Variants in FBXW7 observed in about 807,000 individuals in gnomAD.
FBXW7 encodes the protein F-box/WD repeat-containing protein 7.
In FBXW7, 11 loss-of-function variants were observed where a neutral mutation model predicts 86.3. That is an observed-to-expected ratio of 0.13 (90% CI 0.08 to 0.21). The LOEUF is 0.21. FBXW7 is among the 10% of genes least tolerant of loss of function. FBXW7 has a pLI of 1.00. For missense variants in FBXW7, 488 were observed against 847.4 expected, an observed-to-expected ratio of 0.58 and a Z score of 5.27; for synonymous variants, 313 against 297.9, an observed-to-expected ratio of 1.05 and a Z score of -0.52.
At chr4:152,366,314 G>T (rs1733474752) in intron 4 of FBXW7, among the ~76,000 whole-genome samples, 1 of 152,076 alleles carries the variant, frequency 6.6e-6, no homozygotes, top group Non-Finnish European at 1.5e-5. Flanking sequence ...CACAGTTTAG[G>T]ACTTCTGTAC....
intron 2 of FBXW7, among the ~76,000 whole-genome samples, chr4:152,441,449 T>C (rs1740885974): frequency 6.6e-6 from 1 of 152,174 alleles, no homozygotes; most frequent in African/African-American, 2.4e-5. Context: ...ACTGATTCTT[T>C]AATGTCAATA....
chr4:152,505,002 C>T (rs560199037), intron 2 of FBXW7, among the ~76,000 whole-genome samples: 144 of 152,226 alleles, frequency 9.5e-4, no homozygotes, highest in African/African-American at 3.3e-3. Context: ...ATGTGTCAGG[C>T]AATTTCTTCT....
At chr4:152,388,971 G>C (rs1322063690) in intron 4 of FBXW7, among the ~76,000 whole-genome samples, 1 of 151,962 alleles carries the variant, frequency 6.6e-6, no homozygotes, top group Non-Finnish European at 1.5e-5. Flanking sequence ...AGTGGGAAAA[G>C]AACATGAATA....
Position 152,524,722 on chromosome 4 carries a change from C to T in FBXW7, c.-120+10219G>A, listed in dbSNP as rs777184139. Among the ~76,000 whole-genome samples, 133 of 152,202 alleles carry T rather than the reference C, an allele frequency of 8.7e-4. No homozygotes were observed. The Middle Eastern group carries it at 0.02, about 23-fold the overall frequency. On this transcript the variant is annotated intron_variant, in intron 2 of 13. Transcript: ENST00000281708. Reference sequence around the variant, plus strand: ...GCCTCTCTCCCCACCTCTGTACAACCCCACTCTCTTCTCCCGCTCATTTAT... The same window carrying T: ...GCCTCTCTCCCCACCTCTGTACAACTCCACTCTCTTCTCCCGCTCATTTAT...
At position 152,352,430 on chromosome 4, in the gene FBXW7, C is replaced by A. The variant is rs1465505411; in HGVS notation, c.502-2306G>T. 1.9e-6 allele frequency: 3 copies of A among 1,612,000 alleles called. No homozygotes were observed. In the East Asian group the frequency reaches 6.7e-5, roughly 36 times the overall value. The stretch of plus-strand genomic sequence containing the variant: ...ATTTTCCTTCTCAGGCAGGCATACA[C>A]ACACAATCACATAGCATAGGAAGAA... On this transcript the variant is annotated intron_variant, in intron 4 of 13. Transcript: ENST00000281708.
chr4:152,472,419 T>C (rs1319956055), intron 2 of FBXW7, among the ~76,000 whole-genome samples: 3 of 152,036 alleles, frequency 2.0e-5, no homozygotes, highest in African/African-American at 7.2e-5. Context: ...AAGGGAGAAA[T>C]AAACTAAGGA....
intron 2 of FBXW7, among the ~76,000 whole-genome samples, chr4:152,443,808 A>C (rs1453401254): frequency 6.6e-6 from 1 of 152,228 alleles, no homozygotes; most frequent in Non-Finnish European, 1.5e-5. Flanking sequence ...ATCTTCTAAA[A>C]AATTTTAATG....
intron 4 of FBXW7, among the ~76,000 whole-genome samples, chr4:152,366,291 A>G: frequency 6.6e-6 from 1 of 152,184 alleles, no homozygotes; most frequent in Non-Finnish European, 1.5e-5. Context: ...GATGAGCAAT[A>G]AAAATGCAAC....
At chr4:152,337,545 C>A in intron 7 of FBXW7, 1 of 287,516 alleles carries the variant, frequency 3.5e-6, no homozygotes, top group Non-Finnish European at 6.4e-6. Context: ...ATTAGTGAAA[C>A]TCAATAGTTA....
At chr4:152,441,715 C>T (rs1390135256) in intron 2 of FBXW7, among the ~76,000 whole-genome samples, 1 of 152,048 alleles carries the variant, frequency 6.6e-6, no homozygotes, top group East Asian at 1.9e-4. Context: ...CAAATTATAT[C>T]TAAAAGTTAA....
intron 4 of FBXW7, among the ~76,000 whole-genome samples, chr4:152,387,844 G>C: frequency 6.6e-6 from 1 of 151,572 alleles, no homozygotes; most frequent in East Asian, 1.9e-4. Flanking sequence ...GAGCAGCTGG[G>C]ATTACAGGTG....
At chr4:152,347,096 G>C (rs1578947515) in intron 5 of FBXW7, 25 bp from the exon 6 acceptor site, 4 of 1,559,712 alleles carry the variant, frequency 2.6e-6, no homozygotes, top group Non-Finnish European at 1.7e-6. Context: ...AAAAGAGAGA[G>C]AGAAAGGATA....
At chr4:152,400,562 G>T (rs1236733249) in intron 4 of FBXW7, among the ~76,000 whole-genome samples, 2 of 151,738 alleles carry the variant, frequency 1.3e-5, no homozygotes, top group African/African-American at 4.8e-5. Context: ...GCCCAGGCTG[G>T]TCTCAAACTC....
intron 4 of FBXW7, among the ~76,000 whole-genome samples, chr4:152,410,648 A>G (rs1737861258): frequency 1.3e-5 from 2 of 152,200 alleles, no homozygotes; most frequent in Admixed American, 1.3e-4. Flanking sequence ...ATGTTAAATC[A>G]GTTTGTATAT....
chr4:152,491,686 TTAAG>T (rs1366497108), intron 2 of FBXW7, among the ~76,000 whole-genome samples: 1 of 152,172 alleles, frequency 6.6e-6, no homozygotes, highest in East Asian at 1.9e-4. Flanking sequence ...CAGGTGCTGT[TTAAG>T]TGTCTTCGTA....
Position 152,326,136 on chromosome 4 carries a change from C to A in FBXW7, c.1514G>T (p.Arg505Leu), listed in dbSNP as rs1057519896. 1 of 1,613,302 alleles carries A rather than the reference C, an allele frequency of 6.2e-7. No homozygotes were observed. Among genetic ancestry groups the A allele is most frequent in the Non-Finnish European group, 8.5e-7 (1 of 1,179,522 alleles). ...CCTCCTGCCATCATATTGAACACAG[C>A]GGACTGCTGCAACATGACCCATCAA... ...HVLMGHVAAV[R>L]CVQYDGRRVV... Residue 505 changes from arginine to leucine, a missense_variant, in exon 12 of 14, where the codon CGC (arginine) becomes CTC (leucine). By Grantham distance (102) the Arg-to-Leu change is moderately radical. Transcript: ENST00000281708.
chr4:152,390,146 T>C (rs1434047737), intron 4 of FBXW7, among the ~76,000 whole-genome samples: 2 of 151,974 alleles, frequency 1.3e-5, no homozygotes, highest in African/African-American at 4.8e-5. Context: ...TGTAGTGGTC[T>C]AAACACTAGC....
At chr4:152,369,596 G>GA (rs1202800032) in intron 4 of FBXW7, among the ~76,000 whole-genome samples, 1 of 151,616 alleles carries the variant, frequency 6.6e-6, no homozygotes. Flanking sequence ...ATTTTGACAC[G>GA]AAAAAAAGAT....
intron 4 of FBXW7, among the ~76,000 whole-genome samples, chr4:152,354,845 C>T (rs1043091555): frequency 1.3e-5 from 2 of 152,042 alleles, no homozygotes; most frequent in East Asian, 3.9e-4. Flanking sequence ...AAATGATATA[C>T]AAAAAATTCT....
Sources: allele counts gnomAD v4.1 joint callset (sites outside exome capture counted in the v4.1 genomes callset), GRCh38; gene constraint gnomAD v4.1.1; transcripts MANE v1.5; gene names NCBI Gene and HGNC (gene_info 2026-07-23, HGNC 2026-07-21).